Variants in TFEC observed in about 807,000 individuals in gnomAD.
TFEC encodes class E basic helix-loop-helix protein 34.
Under a neutral mutation model 41.6 loss-of-function variants are expected in TFEC, and 31 were observed. The observed-to-expected ratio is 0.74, with a 90% CI of 0.56 to 1.01. The LOEUF is 1.01. Among genes scored for constraint, TFEC ranks in the 50% least tolerant of loss-of-function variants. The pLI is 0.00. For missense variants in TFEC, 402 were observed against 404.1 expected, an observed-to-expected ratio of 0.99 and a Z score of 0.04; for synonymous variants, 143 against 140.6, an observed-to-expected ratio of 1.02 and a Z score of -0.12.
intron 3 of TFEC, among the ~76,000 whole-genome samples, chr7:116,052,759 G>A (rs1431391353): frequency 1.3e-5 from 2 of 150,084 alleles, no homozygotes; most frequent in African/African-American, 4.9e-5. Flanking sequence ...GTGACTACCT[G>A]ACACACTCCT....
chr7:116,052,097 G>A (rs1796326076), intron 3 of TFEC, among the ~76,000 whole-genome samples: 1 of 151,158 alleles, frequency 6.6e-6, no homozygotes, highest in Admixed American at 6.6e-5. Context: ...GAGGGGATGA[G>A]ATGCAAGGGG....
At position 115,990,339 on chromosome 7, in the gene TFEC, G is replaced by A. The variant is rs1253271826; in HGVS notation, c.-72-5826C>T. Reference sequence around the variant, plus strand: ...CGCTTCTTCTCCACCAAAGGAGCGCGGCTCCTCACCAGCAACGGAACAAAC... The same window carrying A: ...CGCTTCTTCTCCACCAAAGGAGCGCAGCTCCTCACCAGCAACGGAACAAAC... On this transcript the variant is annotated intron_variant, in intron 1 of 7. Transcript: ENST00000265440. 7.9e-5 allele frequency among the ~76,000 whole-genome samples: 12 copies of A among 152,120 alleles called. No homozygotes were observed. The South Asian group carries it at 1.0e-3, about 13-fold the overall frequency.
intron 3 of TFEC, among the ~76,000 whole-genome samples, chr7:115,972,407 C>T (rs528387633): frequency 1.3e-5 from 2 of 152,178 alleles, no homozygotes; most frequent in South Asian, 4.1e-4. Context: ...AGGCAGGTTA[C>T]GTGATTTGCA....
intron 3 of TFEC, among the ~76,000 whole-genome samples, chr7:115,958,891 T>C (rs1792380219): frequency 6.6e-6 from 1 of 151,878 alleles, no homozygotes; most frequent in African/African-American, 2.4e-5. Flanking sequence ...AAGTGTGTAA[T>C]ACACTTCATG....
At chr7:116,112,052 A>G (rs1797867142) in intron 1 of TFEC, 3 of 979,142 alleles carry the variant, frequency 3.1e-6, no homozygotes, top group Non-Finnish European at 3.6e-6. Flanking sequence ...AAAAGAAAAA[A>G]AAAGAGAGAA....
At chr7:116,031,696 A>G (rs1389421388), upstream of TFEC, among the ~76,000 whole-genome samples, 1 of 152,148 alleles carries the variant, frequency 6.6e-6, no homozygotes, top group Admixed American at 6.6e-5. Context: ...AATTAAATTG[A>G]CATTTGTGTT....
rs984861043 is a variant in TFEC at position 115,959,810 on chromosome 7, A to T, written c.268-3017T>A. Among the ~76,000 whole-genome samples the T allele has an allele frequency of 4.0e-5, 6 of 151,800 alleles. No individual in the cohort carries two copies. The East Asian group carries it at 7.8e-4, about 20-fold the overall frequency. On this transcript the variant is annotated intron_variant, in intron 3 of 7. Coordinates refer to ENST00000265440, the MANE Select transcript of TFEC (RefSeq NM_012252.4). ...AAAGTAATCTCCCAGGAGGATAAGGAAAAAGACTAAGAAATAGAACATATG... is the reference window on the plus strand; with the variant it reads ...AAAGTAATCTCCCAGGAGGATAAGGTAAAAGACTAAGAAATAGAACATATG...
At chr7:116,042,470 TTAAG>T (rs1024757366) in intron 3 of TFEC, among the ~76,000 whole-genome samples, 55 of 152,328 alleles carry the variant, frequency 3.6e-4, no homozygotes, top group African/African-American at 1.2e-3. Flanking sequence ...ATTCTGAATA[TTAAG>T]TGTTTAGTTG....
intron 1 of TFEC, among the ~76,000 whole-genome samples, chr7:116,017,646 C>T (rs1584703782): frequency 6.6e-6 from 1 of 152,154 alleles, no homozygotes; most frequent in Non-Finnish European, 1.5e-5. Flanking sequence ...CTACTGTGGT[C>T]TAGCCATACT....
chr7:115,974,406 T>C (rs1169528600), intron 2 of TFEC, 150 bp from the exon 3 acceptor site: 3 of 65,016 alleles, frequency 4.6e-5, no homozygotes, highest in South Asian at 1.5e-3. Flanking sequence ...AACCTCAATA[T>C]TATATATATA....
chr7:115,984,153 G>A, intron 2 of TFEC, 109 bp downstream of exon 2: 5 of 1,340,622 alleles, frequency 3.7e-6, no homozygotes, highest in Non-Finnish European at 5.1e-6. Context: ...CATTTCTTTT[G>A]TTACATTTGC....
intron 4 of TFEC, among the ~76,000 whole-genome samples, chr7:115,956,012 G>T (rs2402018): frequency 0.85 from 129,223 of 151,916 alleles, 55,098 homozygotes; most frequent in Non-Finnish European, 0.89. Context: ...ACTGGACTTG[G>T]AAGTCAGGAA....
chr7:116,056,174 G>A (rs1796425823), intron 3 of TFEC, among the ~76,000 whole-genome samples: 1 of 151,932 alleles, frequency 6.6e-6, no homozygotes, highest in Admixed American at 6.6e-5. Flanking sequence ...TGATCCCCGA[G>A]AGACAGGAAA....
At chr7:116,123,981 T>C (rs546904712) in intron 1 of TFEC, among the ~76,000 whole-genome samples, 1 of 152,226 alleles carries the variant, frequency 6.6e-6, no homozygotes, top group South Asian at 2.1e-4. Flanking sequence ...TTAGAATTCC[T>C]GCAATTAAAG....
chr7:116,053,400 A>G (rs1237003474), intron 3 of TFEC, among the ~76,000 whole-genome samples: 2 of 152,200 alleles, frequency 1.3e-5, no homozygotes, highest in Non-Finnish European at 2.9e-5. Flanking sequence ...GACATTTTTG[A>G]GGATAATAAT....
At chr7:116,102,556 T>G (rs1379355319) in intron 3 of TFEC, among the ~76,000 whole-genome samples, 1 of 152,002 alleles carries the variant, frequency 6.6e-6, no homozygotes, top group South Asian at 2.1e-4. Flanking sequence ...GAGGATAGAT[T>G]TGAGAACTAT....
chr7:115,940,721 A>C lies in TFEC; in HGVS notation c.874T>G (p.Leu292Val), dbSNP rs1584542027. 6.2e-7 allele frequency: 1 copy of C among 1,613,530 alleles called. No homozygotes were observed. The highest frequency in any genetic ancestry group is 8.5e-7 in the Non-Finnish European group (1 of 1,179,626). The change falls in exon 8 of 8, where the codon TTA (leucine) becomes GTA (valine). Residue 292 changes from leucine (L) to valine (V), a missense_variant. Leu to Val is a conservative substitution (Grantham distance 32, BLOSUM62 1). Coordinates refer to ENST00000265440, the MANE Select transcript of TFEC (RefSeq NM_012252.4). ...TCTTTCAATGCAGCACTAAATGATA[A>C]ATCTGTGAAGTATGACAAAGGATCA... ...FSDPLSYFTDLSFSAALKEEQ... is the reference protein window; with the variant it reads ...FSDPLSYFTDVSFSAALKEEQ...
chr7:115,945,848 C>T (rs889365006), intron 6 of TFEC, among the ~76,000 whole-genome samples: 2 of 151,650 alleles, frequency 1.3e-5, no homozygotes, highest in African/African-American at 4.8e-5. Context: ...CAATAAATTT[C>T]ACTGGATGAG....
At chr7:116,000,741 C>A in intron 1 of TFEC, among the ~76,000 whole-genome samples, 1 of 151,820 alleles carries the variant, frequency 6.6e-6, no homozygotes. Flanking sequence ...TTAACTTAAC[C>A]AAAGAAGAGA....
Sources: allele counts gnomAD v4.1 joint callset (sites outside exome capture counted in the v4.1 genomes callset), GRCh38; gene constraint gnomAD v4.1.1; transcripts MANE v1.5; gene names NCBI Gene and HGNC (gene_info 2026-07-23, HGNC 2026-07-21).